ST18: variants seen among roughly 807,000 people sequenced by gnomAD.
ST18 encodes suppression of tumorigenicity 18 protein.
A neutral mutation model predicts 110.0 loss-of-function variants in ST18; 50 were observed. The observed-to-expected ratio is 0.45, with a 90% CI of 0.36 to 0.58. ST18 has a LOEUF of 0.58. ST18 is among the 20% of genes least tolerant of loss of function. The pLI is 0.00. For missense variants in ST18, 1,306 were observed against 1,280.1 expected, an observed-to-expected ratio of 1.02 and a Z score of -0.31; for synonymous variants, 461 against 452.4, an observed-to-expected ratio of 1.02 and a Z score of -0.24.
intron 5 of ST18, among the ~76,000 whole-genome samples, chr8:52,218,297 T>C (rs2085155741): frequency 6.6e-6 from 1 of 152,008 alleles, no homozygotes; most frequent in African/African-American, 2.4e-5. Context: ...CCACAATGTT[T>C]TGAGGGCGCT....
chr8:52,360,821 C>T (rs1220203441), intron 2 of ST18, among the ~76,000 whole-genome samples: 1 of 152,116 alleles, frequency 6.6e-6, no homozygotes, highest in African/African-American at 2.4e-5. Context: ...TTTACAAAGC[C>T]TTCCTTCTCC....
At chr8:52,190,675 G>A (rs1393999191) in intron 8 of ST18, among the ~76,000 whole-genome samples, 2 of 152,186 alleles carry the variant, frequency 1.3e-5, no homozygotes, top group Non-Finnish European at 2.9e-5. Context: ...TGATCTTGCT[G>A]AGGGCTGTGC....
chr8:52,357,714 TATATATATATATATATAA>T (rs1823653812), intron 2 of ST18, among the ~76,000 whole-genome samples: 1 of 69,356 alleles, frequency 1.4e-5, no homozygotes, highest in Non-Finnish European at 2.5e-5. Context: ...TATATATATA[TATATATATATATATATAA>T]AACAGACTCA....
Position 52,275,175 on chromosome 8 carries a change from AT to A in ST18, c.-464-45099del, listed in dbSNP as rs1037942092. On this transcript the variant is annotated intron_variant, in intron 2 of 25. Coordinates refer to ENST00000689386, the MANE Select transcript of ST18 (RefSeq NM_001352837.2). The stretch of plus-strand genomic sequence containing the variant: ...AATAATTTAATGAAAGAGCTTCCAT[AT>A]TTTTTTTTACTTCAAGCAAAAACTA... 6.4e-3 allele frequency among the ~76,000 whole-genome samples: 962 copies of A among 151,172 alleles called. 5 individuals are homozygous for A. Among genetic ancestry groups the A allele is most frequent in the African/African-American group, 0.022 (904 of 41,304 alleles).
rs901039158 is a variant in ST18 at position 52,149,808 on chromosome 8, G to T, written c.1976C>A (p.Ala659Asp). ...GTCCCAGCCCTCTTGGTCACAAAGA[G>T]CCTGATAGAATGCTGCATTGACCAG... is the stretch of plus-strand genomic sequence containing the variant. ...SILVNAAFYQ[A>D]LCDQEGWDTP... The change falls in exon 16 of 26, where the codon GCT becomes GAT. Residue 659 changes from alanine to aspartate, a missense_variant. Ala to Asp is a moderately radical substitution (Grantham distance 126, BLOSUM62 -2). Transcript: ENST00000689386. The T allele has an allele frequency of 1.2e-6, 2 of 1,614,082 alleles. No individual in the cohort carries two copies. Among genetic ancestry groups the T allele is most frequent in the African/African-American group, 2.7e-5 (2 of 74,934 alleles).
chr8:52,113,971 T>TTTTC (rs2041495025), intron 25 of ST18, among the ~76,000 whole-genome samples: 1 of 117,970 alleles, frequency 8.5e-6, no homozygotes, highest in Admixed American at 9.1e-5. Context: ...TTTTTTTTTT[T>TTTTC]TTTTTTTTTT....
intron 2 of ST18, among the ~76,000 whole-genome samples, chr8:52,270,967 C>T (rs1165008398): frequency 6.6e-6 from 1 of 151,588 alleles, no homozygotes; most frequent in Non-Finnish European, 1.5e-5. Flanking sequence ...GGCATCTCGG[C>T]TCACTGCAAG....
intron 2 of ST18, among the ~76,000 whole-genome samples, chr8:52,246,331 C>CA (rs2093847261): frequency 6.6e-6 from 1 of 151,592 alleles, no homozygotes; most frequent in African/African-American, 2.4e-5. Flanking sequence ...CCCAAAAGGG[C>CA]AAAAAAATTT....
At chr8:52,387,341 T>C (rs758100298) in intron 2 of ST18, among the ~76,000 whole-genome samples, 3 of 152,218 alleles carry the variant, frequency 2.0e-5, no homozygotes, top group Non-Finnish European at 4.4e-5. Flanking sequence ...AATCTTTGTT[T>C]TGGCAAAAGG....
At chr8:52,178,278 A>G (rs2067701138) in intron 9 of ST18, among the ~76,000 whole-genome samples, 1 of 152,148 alleles carries the variant, frequency 6.6e-6, no homozygotes, top group South Asian at 2.1e-4. Flanking sequence ...CTAACCACAA[A>G]TGATTCAAAG....
At chr8:52,230,496 T>C (rs2090978464) in intron 2 of ST18, among the ~76,000 whole-genome samples, 1 of 152,172 alleles carries the variant, frequency 6.6e-6, no homozygotes. Context: ...GCAGCTGTAC[T>C]TTTCCCAGGG....
chr8:52,172,784 C>A (rs1347928743), intron 9 of ST18, among the ~76,000 whole-genome samples: 1 of 151,972 alleles, frequency 6.6e-6, no homozygotes, highest in African/African-American at 2.4e-5. Context: ...AAACATATAT[C>A]CTCTTAAGAG....
chr8:52,396,224 A>T (rs1392735496), intron 2 of ST18, among the ~76,000 whole-genome samples: 1 of 152,092 alleles, frequency 6.6e-6, no homozygotes, highest in African/African-American at 2.4e-5. Flanking sequence ...TGTTATATTA[A>T]ATCTCTAGAC....
chr8:52,311,175 C>G (rs921657387), intron 2 of ST18, among the ~76,000 whole-genome samples: 3 of 152,166 alleles, frequency 2.0e-5, no homozygotes, highest in Non-Finnish European at 4.4e-5. Context: ...AAATCCTTGC[C>G]CAACCCTCAG....
At chr8:52,134,082 T>C (rs936290609) in intron 19 of ST18, among the ~76,000 whole-genome samples, 3 of 152,212 alleles carry the variant, frequency 2.0e-5, no homozygotes, top group Admixed American at 6.5e-5. Flanking sequence ...TGTGCGACTA[T>C]GATAATCCAT....
chr8:52,323,216 A>T (rs1403728820), intron 2 of ST18, among the ~76,000 whole-genome samples: 1 of 152,240 alleles, frequency 6.6e-6, no homozygotes, highest in Non-Finnish European at 1.5e-5. Context: ...AGAGGCCAAG[A>T]GGCTAGAGCT....
chr8:52,260,610 G>A (rs754802009), intron 2 of ST18, among the ~76,000 whole-genome samples: 23 of 152,140 alleles, frequency 1.5e-4, no homozygotes, highest in Non-Finnish European at 2.6e-4. Context: ...TACTAGAGCT[G>A]GAAGCCCAGC....
intron 2 of ST18, among the ~76,000 whole-genome samples, chr8:52,262,963 A>G (rs1450030814): frequency 6.6e-6 from 1 of 152,206 alleles, no homozygotes; most frequent in Non-Finnish European, 1.5e-5. Context: ...TGCTCAACTC[A>G]GCCTGTTACA....
chr8:52,133,227 G>T lies in ST18; in HGVS notation c.2363+12C>A. On this transcript the variant is annotated intron_variant, in intron 20 of 25. Coordinates refer to ENST00000689386, the MANE Select transcript of ST18 (RefSeq NM_001352837.2). Reference sequence around the variant, plus strand: ...GCTCATTTCCACATCTCAGAAATAAGATCAATCCTACCTTCTGTGGGAAGC... The same window carrying T: ...GCTCATTTCCACATCTCAGAAATAATATCAATCCTACCTTCTGTGGGAAGC... 1 of 1,614,160 alleles carries T rather than the reference G, an allele frequency of 6.2e-7. No individual in the cohort carries two copies. Among genetic ancestry groups the T allele is most frequent in the Non-Finnish European group, 8.5e-7 (1 of 1,180,034 alleles).
Sources: allele counts gnomAD v4.1 joint callset (sites outside exome capture counted in the v4.1 genomes callset), GRCh38; gene constraint gnomAD v4.1.1; transcripts MANE v1.5; gene names NCBI Gene and HGNC (gene_info 2026-07-23, HGNC 2026-07-21).